RORA: variants seen among roughly 807,000 people sequenced by gnomAD.
RORA encodes the protein nuclear receptor ROR-alpha.
A neutral mutation model predicts 69.5 loss-of-function variants in RORA; 7 were observed. The observed-to-expected ratio is 0.10, with a 90% CI of 0.06 to 0.19. The LOEUF (loss-of-function observed/expected upper bound fraction) is 0.19, where lower values mean the gene tolerates loss of function less well. Among genes scored for constraint, RORA ranks in the 10% least tolerant of loss-of-function variants. The probability of loss-of-function intolerance (pLI) is 1.00; values close to 1 mark genes in which losing one functional copy is unlikely to be tolerated. For missense variants in RORA, 457 were observed against 663.0 expected (o/e 0.69, Z 3.41); for synonymous variants, 261 against 240.8 (o/e 1.08, Z -0.78).
At chr15:60,787,001 A>G (rs1011103602) in intron 1 of RORA, among the ~76,000 whole-genome samples, 4 of 152,214 alleles carry the variant, frequency 2.6e-5, no homozygotes, top group African/African-American at 9.6e-5. Context: ...GAATCTTGTC[A>G]GTGTTTTGTG....
At chr15:60,657,375 T>A (rs907204480) in intron 2 of RORA, among the ~76,000 whole-genome samples, 1 of 152,126 alleles carries the variant, frequency 6.6e-6, no homozygotes, top group African/African-American at 2.4e-5. Context: ...CCATGACAAC[T>A]GCCGACGCAG....
intron 1 of RORA, among the ~76,000 whole-genome samples, chr15:60,980,803 G>T (rs1022309020): frequency 1.3e-5 from 2 of 151,708 alleles, no homozygotes; most frequent in African/African-American, 4.8e-5. Context: ...TGTCAATTTT[G>T]TTAATCTTTT....
intron 2 of RORA, among the ~76,000 whole-genome samples, chr15:60,652,242 T>G (rs2070154081): frequency 6.6e-6 from 1 of 152,190 alleles, no homozygotes; most frequent in South Asian, 2.1e-4. Flanking sequence ...CACAAGTTAC[T>G]TAACCCAACT....
chr15:60,677,191 TG>T (rs2070566676), intron 2 of RORA: 1 of 456,028 alleles, frequency 2.2e-6, no homozygotes, highest in South Asian at 1.5e-5. Context: ...GACGAGCTCA[TG>T]GGCAAGGCTG....
rs539788354 is a variant in RORA at position 60,499,059 on chromosome 15, A to T, written c.1407+833T>A. Among the ~76,000 whole-genome samples, 41 of 152,336 alleles carry T rather than the reference A, an allele frequency of 2.7e-4. No homozygotes were observed. The South Asian group carries it at 8.5e-3, about 32-fold the overall frequency. The stretch of plus-strand genomic sequence containing the variant: ...ATTATAATCATATTTATTGTGAAAG[A>T]TAATGATTGGTAAAAATGAAACCTT... On this transcript the variant is annotated intron_variant, in intron 10 of 10. Transcript: ENST00000335670.
At chr15:61,019,503 G>A (rs1310192936) in intron 1 of RORA, among the ~76,000 whole-genome samples, 1 of 152,142 alleles carries the variant, frequency 6.6e-6, no homozygotes, top group Non-Finnish European at 1.5e-5. Context: ...TCAAACTGAG[G>A]ACAGTGGAAG....
At chr15:61,004,046 A>G (rs1894830712) in intron 1 of RORA, among the ~76,000 whole-genome samples, 1 of 152,028 alleles carries the variant, frequency 6.6e-6, no homozygotes, top group African/African-American at 2.4e-5. Context: ...TTGTGGAGGG[A>G]CTAAAGACAC....
At chr15:60,670,648 C>T (rs2140734688) in intron 2 of RORA, among the ~76,000 whole-genome samples, 1 of 152,098 alleles carries the variant, frequency 6.6e-6, no homozygotes, top group Non-Finnish European at 1.5e-5. Context: ...CATGTTTTCC[C>T]AGAAGTGGAA....
chr15:60,713,715 G>A (rs2071177663), intron 1 of RORA, among the ~76,000 whole-genome samples: 2 of 152,106 alleles, frequency 1.3e-5, no homozygotes, highest in African/African-American at 4.8e-5. Flanking sequence ...GGAAGTGAAC[G>A]TCTCCATGCC....
At chr15:60,718,483 A>C (rs1301332852) in intron 1 of RORA, among the ~76,000 whole-genome samples, 1 of 152,160 alleles carries the variant, frequency 6.6e-6, no homozygotes, top group Non-Finnish European at 1.5e-5. Context: ...TAGAAAAAAC[A>C]CTCTATAAGA....
intron 1 of RORA, among the ~76,000 whole-genome samples, chr15:60,756,001 C>T (rs9920592): frequency 0.2 from 31,013 of 152,048 alleles, 3,692 homozygotes; most frequent in African/African-American, 0.34. Context: ...GTGAACAAAA[C>T]GAAATCCTTG....
chr15:60,980,287 T>C (rs942917789), intron 1 of RORA, among the ~76,000 whole-genome samples: 1 of 152,166 alleles, frequency 6.6e-6, no homozygotes, highest in Non-Finnish European at 1.5e-5. Context: ...TTTGCTAGTA[T>C]TTTGTTGATA....
chr15:60,579,310 C>T (rs1263247398), intron 2 of RORA, among the ~76,000 whole-genome samples: 1 of 152,082 alleles, frequency 6.6e-6, no homozygotes, highest in Admixed American at 6.5e-5. Flanking sequence ...CGCAGGGGGT[C>T]CCTGGATCAC....
chr15:61,221,436 T>C (rs2080095104), intron 1 of RORA, among the ~76,000 whole-genome samples: 1 of 152,232 alleles, frequency 6.6e-6, no homozygotes, highest in Non-Finnish European at 1.5e-5. Context: ...TCTTTGCTTA[T>C]ACAAAAAAGT....
intron 1 of RORA, among the ~76,000 whole-genome samples, chr15:60,823,635 C>A (rs761866664): frequency 6.6e-6 from 1 of 152,144 alleles, no homozygotes; most frequent in Non-Finnish European, 1.5e-5. Flanking sequence ...ATTGCTGTAG[C>A]CTTATAGAGA....
intron 1 of RORA, among the ~76,000 whole-genome samples, chr15:60,682,853 GGA>G (rs1206919702): frequency 6.6e-6 from 1 of 152,156 alleles, no homozygotes; most frequent in Non-Finnish European, 1.5e-5. Flanking sequence ...ACAGAGATAG[GGA>G]CTTGATAGAA....
At chr15:60,786,078 T>C (rs1343940505) in intron 1 of RORA, among the ~76,000 whole-genome samples, 3 of 152,246 alleles carry the variant, frequency 2.0e-5, no homozygotes, top group Non-Finnish European at 4.4e-5. Flanking sequence ...AGGAACCCTG[T>C]GGAATACGCC....
intron 1 of RORA, among the ~76,000 whole-genome samples, chr15:60,893,785 A>T (rs933442228): frequency 6.6e-6 from 1 of 152,168 alleles, no homozygotes; most frequent in African/African-American, 2.4e-5. Context: ...CCAGAATCAT[A>T]AATTTTAAAG....
At chr15:60,949,400 G>A (rs1014465638) in intron 1 of RORA, among the ~76,000 whole-genome samples, 3 of 152,154 alleles carry the variant, frequency 2.0e-5, no homozygotes, top group Non-Finnish European at 2.9e-5. Flanking sequence ...AACTCAGCAC[G>A]TAAAAATAAA....
Sources: allele counts gnomAD v4.1 joint callset (sites outside exome capture counted in the v4.1 genomes callset), GRCh38; gene constraint gnomAD v4.1.1; transcripts MANE v1.5; gene names NCBI Gene and HGNC (gene_info 2026-07-23, HGNC 2026-07-21).